The following SORCS3 variants were observed in gnomAD, a reference collection of about 807,000 sequenced individuals.
SORCS3 encodes the protein sortilin related VPS10 domain containing receptor 3, also known as VPS10 domain-containing receptor SorCS3.
In SORCS3, 57 loss-of-function variants were observed where a neutral mutation model predicts 146.3. The ratio of observed to expected loss-of-function variants is 0.39; its 90% CI spans 0.31 to 0.49. SORCS3 has a LOEUF of 0.49. Among genes scored for constraint, SORCS3 ranks in the 20% least tolerant of loss-of-function variants. The pLI, the probability that SORCS3 is intolerant of heterozygous loss-of-function variation, is 0.92. For missense variants in SORCS3, 1,341 were observed against 1,575.5 expected (o/e 0.85, Z 2.52); for synonymous variants, 653 against 618.5 (o/e 1.06, Z -0.83).
intron 2 of SORCS3, among the ~76,000 whole-genome samples, chr10:104,865,196 C>CT (rs2018446360): frequency 6.6e-6 from 1 of 152,120 alleles, no homozygotes; most frequent in African/African-American, 2.4e-5. Context: ...TCCTCACTGC[C>CT]TAGTGCTGTG....
chr10:104,714,080 C>A (rs1026742375), intron 1 of SORCS3, among the ~76,000 whole-genome samples: 1 of 152,108 alleles, frequency 6.6e-6, no homozygotes, highest in African/African-American at 2.4e-5. Flanking sequence ...TTAATGTCAG[C>A]AGAATCCATA....
chr10:105,132,502 G>A (rs755594257), intron 7 of SORCS3, among the ~76,000 whole-genome samples: 3 of 152,086 alleles, frequency 2.0e-5, no homozygotes, highest in African/African-American at 7.2e-5. Flanking sequence ...AATCCCCAAC[G>A]GGAGCTAGGA....
intron 2 of SORCS3, among the ~76,000 whole-genome samples, chr10:104,880,935 A>C (rs1299053888): frequency 6.6e-6 from 1 of 152,188 alleles, no homozygotes; most frequent in Non-Finnish European, 1.5e-5. Context: ...AAAGACACTA[A>C]TATTTCAAAT....
At chr10:104,932,291 A>G (rs2019215914) in intron 3 of SORCS3, among the ~76,000 whole-genome samples, 1 of 152,214 alleles carries the variant, frequency 6.6e-6, no homozygotes, top group African/African-American at 2.4e-5. Flanking sequence ...TGAAGTAGCT[A>G]TAAAGATTGT....
intron 4 of SORCS3, among the ~76,000 whole-genome samples, chr10:105,020,111 C>G (rs12414596): frequency 6.6e-6 from 1 of 152,234 alleles, no homozygotes; most frequent in African/African-American, 2.4e-5. Context: ...TTTTCACTCT[C>G]TAGGAAATCC....
intron 4 of SORCS3, among the ~76,000 whole-genome samples, chr10:105,016,611 T>G (rs2055169959): frequency 6.6e-6 from 1 of 152,146 alleles, no homozygotes; most frequent in Non-Finnish European, 1.5e-5. Context: ...TTTATAACGG[T>G]ATCTATTTCT....
chr10:104,754,605 G>T (rs1159929631), intron 1 of SORCS3, among the ~76,000 whole-genome samples: 2 of 149,670 alleles, frequency 1.3e-5, no homozygotes, highest in African/African-American at 2.4e-5. Context: ...AGATAGATAA[G>T]CTTCCCTGAG....
chr10:105,120,848 A>G (rs1431894596), intron 7 of SORCS3, among the ~76,000 whole-genome samples: 2 of 152,200 alleles, frequency 1.3e-5, no homozygotes, highest in African/African-American at 4.8e-5. Context: ...GTAGCTCCAT[A>G]GAAGGCTGTG....
Position 105,262,343 on chromosome 10 carries a change from G to A in SORCS3, c.3456G>A (p.Trp1152Ter). Residue 1152 changes from tryptophan (W) to a stop codon, truncating the protein, a stop_gained, in exon 26 of 27, where the codon TGG becomes TGA. Transcript: ENST00000369701. LOFTEE classifies it high-confidence loss of function. ...CTGTCCCATGTAGGAAAATCCCTTG[G>A]ATTAACATCTATGCTCAAGTCCAAC... ...LIYKFKRKIP[W>*]INIYAQVQHD... The A allele has an allele frequency of 6.2e-7, 1 of 1,612,706 alleles. No homozygotes were observed. The highest frequency in any genetic ancestry group is 8.5e-7 in the Non-Finnish European group (1 of 1,179,140).
intron 2 of SORCS3, among the ~76,000 whole-genome samples, chr10:104,883,980 G>GGA (rs1554856924): frequency 8.0e-5 from 12 of 149,838 alleles, no homozygotes; most frequent in African/African-American, 2.8e-4. Context: ...TGGAATGAGG[G>GGA]GGGGGAAAGG....
At chr10:104,690,556 G>A (rs2016099399) in intron 1 of SORCS3, among the ~76,000 whole-genome samples, 1 of 152,226 alleles carries the variant, frequency 6.6e-6, no homozygotes, top group Non-Finnish European at 1.5e-5. Context: ...CTCAGGCATA[G>A]GCAGACCTTC....
rs543453697 is a variant in SORCS3, at chr10:105,240,423, G to A, written c.2869-5119G>A. Among the ~76,000 whole-genome samples the A allele has an allele frequency of 9.9e-5, 15 of 152,204 alleles. No homozygotes were observed. In the South Asian group the frequency reaches 2.9e-3, roughly 30 times the overall value. On this transcript the variant is annotated intron_variant, in intron 20 of 26. Transcript: ENST00000369701. ...ATAGCTGAAGGCAGTAAAACAAAAC[G>A]GAAAACTGAAAGAACTGTGCAGTGA...
intron 3 of SORCS3, among the ~76,000 whole-genome samples, chr10:104,971,699 T>C (rs558566243): frequency 6.6e-6 from 1 of 152,242 alleles, no homozygotes; most frequent in South Asian, 2.1e-4. Flanking sequence ...GAATCAGGAA[T>C]GGAAGATGTC....
intron 1 of SORCS3, among the ~76,000 whole-genome samples, chr10:104,738,943 G>C (rs370519224): frequency 4.5e-4 from 68 of 152,274 alleles, no homozygotes; most frequent in African/African-American, 1.4e-3. Context: ...AGGAAAGCCA[G>C]AGGAACCCAG....
In SORCS3 at chr10:104,654,919, C is replaced by T. The variant is rs1360627034; in HGVS notation, c.627+12965C>T. Among the ~76,000 whole-genome samples, 4 of 152,220 alleles carry T rather than the reference C, an allele frequency of 2.6e-5. No homozygotes were observed. The East Asian group carries it at 7.7e-4, about 29-fold the overall frequency. On this transcript the variant is annotated intron_variant, in intron 1 of 26. Coordinates refer to ENST00000369701, the MANE Select transcript of SORCS3 (RefSeq NM_014978.3). The stretch of plus-strand genomic sequence containing the variant: ...TCTGCAGAGCCATTTGCTATTTACA[C>T]TCATTATCCAAATACCTTCAATGTA...
intron 7 of SORCS3, among the ~76,000 whole-genome samples, chr10:105,108,552 G>C (rs1474555898): frequency 6.6e-6 from 1 of 152,126 alleles, no homozygotes; most frequent in African/African-American, 2.4e-5. Flanking sequence ...GAGATGAGCA[G>C]AAACCTGCAA....
intron 2 of SORCS3, among the ~76,000 whole-genome samples, chr10:104,869,054 C>G (rs974046518): frequency 1.3e-5 from 2 of 152,112 alleles, no homozygotes; most frequent in Admixed American, 1.3e-4. Flanking sequence ...TCAGAAAACT[C>G]ATTCTCTAGT....
intron 3 of SORCS3, among the ~76,000 whole-genome samples, chr10:104,954,763 C>T (rs900726988): frequency 3.3e-5 from 5 of 152,176 alleles, no homozygotes; most frequent in Admixed American, 6.5e-5. Flanking sequence ...GGTGGTGGCC[C>T]GTGCTACCTG....
intron 1 of SORCS3, among the ~76,000 whole-genome samples, chr10:104,810,408 A>T (rs894861278): frequency 8.5e-5 from 13 of 152,214 alleles, no homozygotes; most frequent in Non-Finnish European, 1.8e-4. Flanking sequence ...ACACTTGTTA[A>T]TGGTATATGT....
Sources: allele counts gnomAD v4.1 joint callset (sites outside exome capture counted in the v4.1 genomes callset), GRCh38; gene constraint gnomAD v4.1.1; transcripts MANE v1.5; gene names NCBI Gene and HGNC (gene_info 2026-07-23, HGNC 2026-07-21).